The following ADCY5 variants were observed in gnomAD, a reference collection of about 807,000 sequenced individuals.
ADCY5 encodes adenylate cyclase 5, also known as adenylate cyclase type 5.
Under a neutral mutation model 119.7 loss-of-function variants are expected in ADCY5, and 30 were observed. The observed-to-expected ratio is 0.25, with a 90% CI of 0.19 to 0.34. The LOEUF is 0.34. Ranked by LOEUF, ADCY5 falls within the 10% of genes least tolerant of loss-of-function variation. ADCY5 has a pLI of 1.00. For missense variants in ADCY5, 1,324 were observed against 1,775.2 expected (o/e 0.75, Z 4.57); for synonymous variants, 753 against 762.2 (o/e 0.99, Z 0.20).
intron 1 of ADCY5, among the ~76,000 whole-genome samples, chr3:123,373,780 C>A (rs552752400): frequency 8.8e-5 from 12 of 136,896 alleles, no homozygotes; most frequent in South Asian, 2.8e-4. Flanking sequence ...CCGACCCCCC[C>A]GCAGGTAGCA....
intron 1 of ADCY5, among the ~76,000 whole-genome samples, chr3:123,429,833 G>A (rs1164906634): frequency 1.3e-5 from 2 of 152,122 alleles, no homozygotes; most frequent in Non-Finnish European, 2.9e-5. Context: ...ACACTCTGCT[G>A]GGGAAGAGGC....
intron 4 of ADCY5, among the ~76,000 whole-genome samples, 192 bp downstream of exon 4, chr3:123,332,372 C>A (rs1941805324): frequency 6.6e-6 from 1 of 152,272 alleles, no homozygotes; most frequent in African/African-American, 2.4e-5. Context: ...AAGTGTGTCT[C>A]CAGGGCCCAC....
At position 123,448,021 on chromosome 3, in the gene ADCY5, G is replaced by C; in HGVS notation, c.525C>G (p.Ala175=). 7.9e-7 allele frequency: 1 copy of C among 1,270,544 alleles called. No homozygotes were observed. The highest frequency in any genetic ancestry group is 9.9e-7 in the Non-Finnish European group (1 of 1,013,188). 78.7% of individuals were successfully genotyped at this position (1,270,544 alleles called of 1,614,324 possible). ...GKGRAADELE[A]GAVEGGEGSG... ...ACCCCTCGCCGCCCTCGACGGCGCC[G>C]GCCTCCAGCTCGTCGGCCGCGCGCC... The change falls in exon 1 of 21, where the codon GCC becomes GCG. Residue 175 remains alanine (A), a synonymous_variant. Coordinates refer to ENST00000462833, the MANE Select transcript of ADCY5 (RefSeq NM_183357.3).
chr3:123,424,303 T>C (rs190813398), intron 1 of ADCY5, among the ~76,000 whole-genome samples: 4 of 152,328 alleles, frequency 2.6e-5, no homozygotes, highest in East Asian at 3.9e-4. Context: ...GCTCCTTTCA[T>C]GAGCAGAGTC....
At chr3:123,444,516 G>T (rs1008979055) in intron 1 of ADCY5, among the ~76,000 whole-genome samples, 2 of 152,142 alleles carry the variant, frequency 1.3e-5, no homozygotes, top group Non-Finnish European at 2.9e-5. Context: ...GATGGAGAAG[G>T]GAAGAAACAC....
chr3:123,411,610 A>T (rs1256441509), intron 1 of ADCY5, among the ~76,000 whole-genome samples: 2 of 152,036 alleles, frequency 1.3e-5, no homozygotes, highest in Non-Finnish European at 2.9e-5. Flanking sequence ...AGCCAGCAAC[A>T]TGTTTTAAGT....
chr3:123,426,866 G>A (rs1945426132), intron 1 of ADCY5, among the ~76,000 whole-genome samples: 1 of 152,038 alleles, frequency 6.6e-6, no homozygotes, highest in Non-Finnish European at 1.5e-5. Context: ...GGAGAAGCTA[G>A]GAGGTTGACT....
At chr3:123,416,873 C>T (rs942063224) in intron 1 of ADCY5, among the ~76,000 whole-genome samples, 2 of 152,038 alleles carry the variant, frequency 1.3e-5, no homozygotes, top group Admixed American at 1.3e-4. Flanking sequence ...AGATTGGGAC[C>T]CTCATCTCAC....
At chr3:123,441,257 C>T (rs2107653628) in intron 1 of ADCY5, among the ~76,000 whole-genome samples, 1 of 152,304 alleles carries the variant, frequency 6.6e-6, no homozygotes, top group East Asian at 1.9e-4. Context: ...TGTACCTTCC[C>T]AGTGCGGCCT....
Position 123,448,343 on chromosome 3 carries a change from C to G in ADCY5, c.203G>C (p.Arg68Pro), listed in dbSNP as rs776480737. The G allele has an allele frequency of 8.2e-5, 125 of 1,525,148 alleles. No individual in the cohort carries two copies. The highest frequency in any genetic ancestry group is 1.1e-4 in the Non-Finnish European group (124 of 1,147,118). The allele number at this position is 1,525,148 out of a possible 1,614,324, so 94.5% of individuals were successfully genotyped here. A position where few individuals can be genotyped will look rare whatever the true frequency, so the allele number is the denominator to read the frequency against. Residue 68 changes from arginine (R) to proline (P), a missense_variant, in exon 1 of 21, where the codon CGC becomes CCC. By Grantham distance (103) the Arg-to-Pro change is moderately radical. Transcript: ENST00000462833. ...GTCGCTGCGCCAGCGGCTGGCCAGG[C>G]GCTGCTGCTGCTGCGGGGTCACCGC... ...GGAVTPQQQQ[R>P]LASRWRSDDD...
chr3:123,394,931 T>G (rs1944500106), intron 1 of ADCY5, among the ~76,000 whole-genome samples: 1 of 152,214 alleles, frequency 6.6e-6, no homozygotes, highest in African/African-American at 2.4e-5. Context: ...AATGCTGGCA[T>G]GAATTTTTGA....
intron 1 of ADCY5, among the ~76,000 whole-genome samples, chr3:123,417,462 C>T (rs1446136071): frequency 6.6e-6 from 1 of 152,248 alleles, no homozygotes; most frequent in Non-Finnish European, 1.5e-5. Flanking sequence ...AGCCCTTGCC[C>T]CCAGAACTCT....
At chr3:123,423,932 C>A (rs376933694) in intron 1 of ADCY5, among the ~76,000 whole-genome samples, 11 of 152,226 alleles carry the variant, frequency 7.2e-5, no homozygotes, top group Non-Finnish European at 1.3e-4. Context: ...CACAGGCCAA[C>A]GCCCAGTGAG....
chr3:123,327,944 T>C (rs890712414), intron 6 of ADCY5, among the ~76,000 whole-genome samples, 185 bp from the exon 7 acceptor site: 1 of 152,218 alleles, frequency 6.6e-6, no homozygotes, highest in African/African-American at 2.4e-5. Context: ...TGGGCTCTCA[T>C]GCCCACTGCA....
At chr3:123,363,009 GGT>G (rs1487026431) in intron 1 of ADCY5, among the ~76,000 whole-genome samples, 1 of 151,860 alleles carries the variant, frequency 6.6e-6, no homozygotes, top group Non-Finnish European at 1.5e-5. Flanking sequence ...TGGGCGTGGT[GGT>G]GCGCACCTGT....
chr3:123,319,841 G>C (rs752908334), intron 9 of ADCY5, 23 bp from the exon 10 acceptor site: 84 of 1,608,988 alleles, frequency 5.2e-5, no homozygotes, highest in Non-Finnish European at 6.8e-5. Flanking sequence ...AGGCACGGGC[G>C]TGAGACAGGC....
intron 1 of ADCY5, among the ~76,000 whole-genome samples, chr3:123,368,463 G>A (rs927879027): frequency 1.2e-4 from 19 of 152,290 alleles, no homozygotes; most frequent in Admixed American, 9.2e-4. Flanking sequence ...TGGGCATGGC[G>A]GTGCGCACCT....
At chr3:123,385,295 A>ACACACACACG (rs1480661000) in intron 1 of ADCY5, among the ~76,000 whole-genome samples, 2 of 148,878 alleles carry the variant, frequency 1.3e-5, no homozygotes, top group African/African-American at 5.0e-5. Flanking sequence ...ACACACACGC[A>ACACACACACG]CACACACACA....
intron 1 of ADCY5, chr3:123,419,071 C>T (rs1443039467): frequency 1.1e-6 from 1 of 874,700 alleles, no homozygotes; most frequent in African/African-American, 1.8e-5. Flanking sequence ...ATGAGCCAAT[C>T]CCCCACAGTA....
Sources: allele counts gnomAD v4.1 joint callset (sites outside exome capture counted in the v4.1 genomes callset), GRCh38; gene constraint gnomAD v4.1.1; transcripts MANE v1.5; gene names NCBI Gene and HGNC (gene_info 2026-07-23, HGNC 2026-07-21).